Variants in PKN2 observed in about 807,000 individuals in gnomAD.
PKN2 encodes the protein serine/threonine-protein kinase N2.
A neutral mutation model predicts 119.1 loss-of-function variants in PKN2; 38 were observed. The observed-to-expected ratio is 0.32, with a 90% confidence interval of 0.25 to 0.42. PKN2 has a LOEUF of 0.42. Ranked by LOEUF, PKN2 falls within the 10% of genes least tolerant of loss-of-function variation. The probability of loss-of-function intolerance (pLI) is 1.00; values close to 1 mark genes in which losing one functional copy is unlikely to be tolerated. For missense variants in PKN2, 850 were observed against 1,165.1 expected (o/e 0.73, Z 3.94); for synonymous variants, 390 against 384.9 (o/e 1.01, Z -0.15).
At chr1:88,789,837 T>G (rs1670742057) in intron 8 of PKN2, among the ~76,000 whole-genome samples, 1 of 152,076 alleles carries the variant, frequency 6.6e-6, no homozygotes, top group Admixed American at 6.6e-5. Context: ...TTCTCCCAAA[T>G]AATTATGTTA....
intron 20 of PKN2, 40 bp downstream of exon 20, chr1:88,832,891 CTTTAA>C (rs1396057951): frequency 1.1e-5 from 14 of 1,326,576 alleles, no homozygotes; most frequent in Non-Finnish European, 1.5e-5. Context: ...TTAAAGACTA[CTTTAA>C]TTTTTTATAC....
chr1:88,833,547 T>G lies in PKN2; in HGVS notation c.*99T>G. The G allele has an allele frequency of 1.2e-6, 1 of 855,274 alleles. No individual in the cohort carries two copies. The highest frequency in any genetic ancestry group is 1.9e-6 in the Non-Finnish European group (1 of 536,466). The allele number at this position is 855,274 out of a possible 1,614,324, so 53.0% of individuals were successfully genotyped here. On this transcript the variant is annotated 3_prime_UTR_variant, in exon 22 of 22. Transcript: ENST00000370521. ...TGTGCCACCAATAGCTTCTGAGTTT[T>G]TTGTTGTTGTTGTTTTTATTGAAAC... is the stretch of plus-strand genomic sequence containing the variant.
At chr1:88,692,059 A>G (rs915563845) in intron 1 of PKN2, among the ~76,000 whole-genome samples, 5 of 152,142 alleles carry the variant, frequency 3.3e-5, no homozygotes, top group African/African-American at 1.2e-4. Context: ...TTAGTTGGAC[A>G]TATAAATCTA....
chr1:88,806,943 C>T (rs1345915999), intron 12 of PKN2, among the ~76,000 whole-genome samples: 1 of 152,024 alleles, frequency 6.6e-6, no homozygotes, highest in African/African-American at 2.4e-5. Flanking sequence ...CTCTTGAACT[C>T]CTGATCTCAG....
At position 88,789,656 on chromosome 1, in the gene PKN2, C is replaced by A. The variant is rs965307799; in HGVS notation, c.1281+3443C>A. Among the ~76,000 whole-genome samples, 4 of 125,854 alleles carry A rather than the reference C, an allele frequency of 3.2e-5. No homozygotes were observed. The South Asian group carries it at 1.2e-3, about 36-fold the overall frequency. 82.6% of individuals were successfully genotyped at this position (125,854 alleles called of 152,430 possible). ...CCAGCCTGGGCGACAGAGCAAGACT[C>A]TATCTCATAATAATAATAATAATAA... On this transcript the variant is annotated intron_variant, in intron 8 of 21. Coordinates refer to ENST00000370521, the MANE Select transcript of PKN2 (RefSeq NM_006256.4).
intron 1 of PKN2, among the ~76,000 whole-genome samples, chr1:88,705,571 C>T (rs1666962580): frequency 6.6e-6 from 1 of 151,818 alleles, no homozygotes; most frequent in African/African-American, 2.4e-5. Flanking sequence ...TGGTGGCAGG[C>T]ATTGTAGTCC....
chr1:88,811,858 T>C (rs1671793783), intron 15 of PKN2, among the ~76,000 whole-genome samples: 1 of 152,228 alleles, frequency 6.6e-6, no homozygotes, highest in South Asian at 2.1e-4. Context: ...TGTTGCACTT[T>C]CACTTTGACC....
intron 16 of PKN2, among the ~76,000 whole-genome samples, chr1:88,820,053 G>A (rs1032393468): frequency 2.0e-5 from 3 of 151,552 alleles, no homozygotes; most frequent in African/African-American, 7.3e-5. Context: ...ATGACGGGTT[G>A]ATGGGTGCAG....
At chr1:88,692,410 A>G (rs1211977763) in intron 1 of PKN2, among the ~76,000 whole-genome samples, 1 of 152,218 alleles carries the variant, frequency 6.6e-6, no homozygotes, top group Non-Finnish European at 1.5e-5. Flanking sequence ...CTCACAGGGT[A>G]GGTGAATGTT....
At position 88,804,481 on chromosome 1, in the gene PKN2, C is replaced by A. The variant is rs768938701; in HGVS notation, c.1372C>A (p.Gln458Lys). Residue 458 changes from glutamine to lysine, a missense_variant, in exon 9 of 22, where the codon CAA becomes AAA. This residue lies in a region of PKN2 where 350 missense variants were observed against 511.1 expected (regional missense o/e 0.68). Coordinates refer to ENST00000370521, the MANE Select transcript of PKN2 (RefSeq NM_006256.4). ...GAGGTTAGAAGATTTTTTAGACAAC[C>A]AACGGCATGGCATGTGTCTCTATTT... Reference protein sequence around the residue: ...FLRLEDFLDNQRHGMCLYLEP... With the variant: ...FLRLEDFLDNKRHGMCLYLEP... 1 of 1,613,174 alleles carries A rather than the reference C, an allele frequency of 6.2e-7. No individual in the cohort carries two copies. Among genetic ancestry groups the A allele is most frequent in the African/African-American group, 1.3e-5 (1 of 74,740 alleles).
At chr1:88,740,825 TAA>T (rs1668548717) in intron 1 of PKN2, among the ~76,000 whole-genome samples, 161 bp from the exon 2 acceptor site, 1 of 152,110 alleles carries the variant, frequency 6.6e-6, no homozygotes, top group Non-Finnish European at 1.5e-5. Flanking sequence ...ATGGTTATAA[TAA>T]AAGTCAGTAA....
intron 1 of PKN2, among the ~76,000 whole-genome samples, chr1:88,703,716 CTACT>C (rs2100670019): frequency 6.6e-6 from 1 of 152,162 alleles, no homozygotes; most frequent in South Asian, 2.1e-4. Flanking sequence ...AAAGCAAAGG[CTACT>C]TAGTCTATAG....
In PKN2 at chr1:88,833,706, C is replaced by T; in HGVS notation, c.*258C>T. The T allele has an allele frequency of 2.6e-6, 1 of 383,138 alleles. No homozygotes were observed. The highest frequency in any genetic ancestry group is 5.2e-5 in the South Asian group (1 of 19,058). 23.7% of individuals were successfully genotyped at this position (383,138 alleles called of 1,614,324 possible). Reference sequence around the variant, plus strand: ...TGAGTGAACATCGGCCATGAAAATCCATCACGAATACTTTTGGATCAATAG... The same window carrying T: ...TGAGTGAACATCGGCCATGAAAATCTATCACGAATACTTTTGGATCAATAG... On this transcript the variant is annotated 3_prime_UTR_variant, in exon 22 of 22. Coordinates refer to ENST00000370521, the MANE Select transcript of PKN2 (RefSeq NM_006256.4).
At chr1:88,748,133 T>C (rs1393143051) in intron 2 of PKN2, among the ~76,000 whole-genome samples, 2 of 152,196 alleles carry the variant, frequency 1.3e-5, no homozygotes, top group Non-Finnish European at 2.9e-5. Context: ...ATTGTATATA[T>C]ATTTTTAGTA....
chr1:88,698,264 C>G (rs1446707493), intron 1 of PKN2, among the ~76,000 whole-genome samples: 4 of 152,070 alleles, frequency 2.6e-5, no homozygotes, highest in African/African-American at 9.7e-5. Flanking sequence ...AGAACCACCA[C>G]CCCCCTTTTC....
intron 8 of PKN2, among the ~76,000 whole-genome samples, chr1:88,802,349 A>G (rs1272822787): frequency 6.6e-6 from 1 of 151,070 alleles, no homozygotes; most frequent in Non-Finnish European, 1.5e-5. Context: ...TTTTTGAGAC[A>G]GGGTCTCGCT....
At chr1:88,687,935 A>T (rs1278287290) in intron 1 of PKN2, among the ~76,000 whole-genome samples, 2 of 152,204 alleles carry the variant, frequency 1.3e-5, no homozygotes, top group Admixed American at 1.3e-4. Flanking sequence ...TGTCCTATAC[A>T]CCTTATTTGA....
chr1:88,761,603 CTG>C (rs1313936321), intron 3 of PKN2, among the ~76,000 whole-genome samples: 3 of 140,586 alleles, frequency 2.1e-5, no homozygotes, highest in African/African-American at 8.1e-5. Flanking sequence ...TAGCAAGACC[CTG>C]TCTCTTTAAA....
intron 19 of PKN2, among the ~76,000 whole-genome samples, chr1:88,832,211 T>G (rs1473664912): frequency 6.6e-6 from 1 of 152,038 alleles, no homozygotes; most frequent in African/African-American, 2.4e-5. Context: ...GACTTTAAAA[T>G]CCAAAGCACA....
Sources: allele counts gnomAD v4.1 joint callset (sites outside exome capture counted in the v4.1 genomes callset), GRCh38; gene constraint gnomAD v4.1.1; regional missense constraint gnomAD v4.1.1; transcripts MANE v1.5; gene names NCBI Gene and HGNC (gene_info 2026-07-23, HGNC 2026-07-21).